The following COL27A1 variants were observed in gnomAD, a reference collection of about 807,000 sequenced individuals.
The protein encoded by COL27A1 is collagen alpha-1(XXVII) chain.
COL27A1 carries 106 observed loss-of-function variants against 251.3 expected under a neutral mutation model. The observed-to-expected ratio is 0.42, with a 90% CI of 0.36 to 0.50. The LOEUF (loss-of-function observed/expected upper bound fraction) is 0.50, where lower values mean the gene tolerates loss of function less well. Among genes scored for constraint, COL27A1 ranks in the 20% least tolerant of loss-of-function variants. COL27A1 has a pLI of 0.00. For missense variants in COL27A1, 2,325 were observed against 2,522.8 expected (o/e 0.92, Z 1.68); for synonymous variants, 1,000 against 986.3 (o/e 1.01, Z -0.26).
rs1832936720 is a variant in COL27A1, at chr9:114,243,924, CATTT to C, written c.2934+365_2934+368del. Among the ~76,000 whole-genome samples, 8 of 138,082 alleles carry C rather than the reference CATTT, an allele frequency of 5.8e-5. 1 individual carries two copies. Among genetic ancestry groups the C allele is most frequent in the Non-Finnish European group, 6.2e-5 (4 of 64,766 alleles). 90.6% of individuals were successfully genotyped at this position (138,082 alleles called of 152,430 possible). A position where few individuals can be genotyped will look rare whatever the true frequency, so the allele number is the denominator to read the frequency against. ...TTGCACCGTTTCTGTTTTTTTCTTT[CATTT>C]TTTTTTTTTTTTTTTTGAGATGGAG... On this transcript the variant is annotated intron_variant, in intron 23 of 60. Coordinates refer to ENST00000356083, the MANE Select transcript of COL27A1 (RefSeq NM_032888.4).
At chr9:114,235,189 C>T (rs910465931) in intron 16 of COL27A1, among the ~76,000 whole-genome samples, 8 of 152,052 alleles carry the variant, frequency 5.3e-5, no homozygotes, top group Non-Finnish European at 1.0e-4. Flanking sequence ...CAGACACAAA[C>T]GCTCCGAAAC....
At chr9:114,310,160 T>C (rs999360355) in intron 60 of COL27A1, among the ~76,000 whole-genome samples, 1 of 152,108 alleles carries the variant, frequency 6.6e-6, no homozygotes, top group Non-Finnish European at 1.5e-5. Context: ...AGACTACACA[T>C]TGGGTACCGT....
At chr9:114,291,831 T>C (rs904376274) in intron 48 of COL27A1, among the ~76,000 whole-genome samples, 7 of 152,074 alleles carry the variant, frequency 4.6e-5, no homozygotes, top group African/African-American at 1.7e-4. Context: ...CTGCATGCTG[T>C]TGGGGAAAAG....
intron 59 of COL27A1, among the ~76,000 whole-genome samples, 155 bp downstream of exon 59, chr9:114,307,933 A>G (rs1035169110): frequency 9.9e-5 from 15 of 152,150 alleles, no homozygotes; most frequent in African/African-American, 3.6e-4. Flanking sequence ...CAGTTTCCTT[A>G]TCTATAAATT....
Position 114,247,817 on chromosome 9 carries a change from A to G in COL27A1, c.2979+1907A>G, listed in dbSNP as rs527692371. Among the ~76,000 whole-genome samples the G allele has an allele frequency of 3.3e-5, 5 of 152,354 alleles. No individual in the cohort carries two copies. The South Asian group carries it at 1.0e-3, about 32-fold the overall frequency. On this transcript the variant is annotated intron_variant, in intron 24 of 60. Transcript: ENST00000356083. ...ACTGCAGGATCAGAGGATCCCTGGG[A>G]AAGTTCTGAAGCTCACACCACAGGA...
intron 2 of COL27A1, among the ~76,000 whole-genome samples, chr9:114,166,216 T>G (rs537574657): frequency 7.0e-6 from 1 of 143,376 alleles, no homozygotes; most frequent in East Asian, 2.3e-4. Context: ...TCCATCCATT[T>G]TTCTATCCAT....
chr9:114,300,998 C>A, intron 51 of COL27A1, 74 bp from the exon 52 acceptor site: 1 of 1,442,738 alleles, frequency 6.9e-7, no homozygotes, highest in Non-Finnish European at 9.4e-7. Context: ...GCTCGGGCTG[C>A]CCTCCACCCC....
At chr9:114,259,997 G>T (rs879793761) in intron 28 of COL27A1, among the ~76,000 whole-genome samples, 20 of 29,896 alleles carry the variant, frequency 6.7e-4, no homozygotes, top group Non-Finnish European at 1.4e-3. Flanking sequence ...CCTCTGGGTG[G>T]GGGGGGGGTC....
intron 37 of COL27A1, among the ~76,000 whole-genome samples, chr9:114,279,022 CA>C (rs1480859348): frequency 6.6e-6 from 1 of 152,208 alleles, no homozygotes; most frequent in Non-Finnish European, 1.5e-5. Context: ...CACCCTGTCC[CA>C]GGGGAGACGC....
chr9:114,236,875 C>T (rs1401912561), intron 17 of COL27A1, 106 bp from the exon 18 acceptor site: 1 of 1,004,504 alleles, frequency 1.0e-6, no homozygotes, highest in Non-Finnish European at 1.5e-6. Flanking sequence ...CATCTTCCTC[C>T]AAGGCGGGCG....
At chr9:114,199,452 C>A (rs908249813) in intron 7 of COL27A1, among the ~76,000 whole-genome samples, 1 of 151,806 alleles carries the variant, frequency 6.6e-6, no homozygotes, top group Non-Finnish European at 1.5e-5. Flanking sequence ...CCTCCCTGGC[C>A]CCCGCTGTGT....
chr9:114,176,294 C>T (rs979946838), intron 3 of COL27A1, among the ~76,000 whole-genome samples: 4 of 152,114 alleles, frequency 2.6e-5, no homozygotes, highest in Admixed American at 1.3e-4. Context: ...TTTTGCTGTC[C>T]CCTAGAAACA....
At position 114,167,687 on chromosome 9, in the gene COL27A1, A is replaced by G; in HGVS notation, c.134-2A>G. The G allele has an allele frequency of 6.2e-7, 1 of 1,606,512 alleles. No individual in the cohort carries two copies. ...TCCTCTCCCCTTTTCCCTCCCTCTC[A>G]GATGTGGACATCCTCCAGCGGCTGG... On this transcript the variant is annotated splice_acceptor_variant, in intron 2 of 60. Transcript: ENST00000356083. LOFTEE classifies it high-confidence loss of function.
At chr9:114,263,746 C>T (rs958798363) in intron 28 of COL27A1, among the ~76,000 whole-genome samples, 7 of 152,172 alleles carry the variant, frequency 4.6e-5, no homozygotes, top group African/African-American at 1.7e-4. Flanking sequence ...GCCCAGGGCT[C>T]CAGGGAGCAG....
At chr9:114,253,668 A>G (rs1833729809) in intron 27 of COL27A1, among the ~76,000 whole-genome samples, 1 of 152,192 alleles carries the variant, frequency 6.6e-6, no homozygotes, top group South Asian at 2.1e-4. Flanking sequence ...AGATCATTTA[A>G]CTTCTCCAAG....
rs1022534365 is a variant in COL27A1, at chr9:114,258,467, C to T, written c.3142-74C>T. On this transcript the variant is annotated intron_variant, in intron 27 of 60. Coordinates refer to ENST00000356083, the MANE Select transcript of COL27A1 (RefSeq NM_032888.4). ...GGGCTGCAGGCCTTCAAGCTTTGCC[C>T]CACACTCCCAGCCCCCCGTGTTGCT... 8 of 1,470,470 alleles carry T rather than the reference C, an allele frequency of 5.4e-6. No homozygotes were observed. In the South Asian group the frequency reaches 9.7e-5, roughly 18 times the overall value. 91.1% of individuals were successfully genotyped at this position (1,470,470 alleles called of 1,614,324 possible). A position where few individuals can be genotyped will look rare whatever the true frequency, so the allele number is the denominator to read the frequency against.
intron 8 of COL27A1, 40 bp downstream of exon 8, chr9:114,205,186 C>G (rs770542819): frequency 6.3e-7 from 1 of 1,586,078 alleles, no homozygotes; most frequent in African/African-American, 1.3e-5. Context: ...GTCGCTCTCC[C>G]TCCTCCCAGC....
At chr9:114,250,473 T>C (rs1833461266) in intron 24 of COL27A1, 142 bp from the exon 25 acceptor site, 5 of 707,114 alleles carry the variant, frequency 7.1e-6, no homozygotes, top group Non-Finnish European at 1.3e-5. Context: ...GAGGCAGCGC[T>C]CTCCCCGGCA....
intron 27 of COL27A1, among the ~76,000 whole-genome samples, chr9:114,254,985 T>C (rs1833826669): frequency 6.6e-6 from 1 of 152,126 alleles, no homozygotes; most frequent in Admixed American, 6.5e-5. Flanking sequence ...GGCCTGGATA[T>C]AGGTGACCGT....
Sources: gnomAD v4.1 joint callset for allele counts (sites outside exome capture counted in the v4.1 genomes callset) on GRCh38, gnomAD v4.1.1 for gene constraint, MANE v1.5 for transcripts, NCBI Gene and HGNC (gene_info 2026-07-23, HGNC 2026-07-21) for gene names.